CDKN2B-AS1: variants seen among roughly 807,000 people sequenced by gnomAD.
CDKN2B-AS1 encodes the protein CDKN2B antisense RNA 1 (non-protein coding).
chr9:22,012,469 C>A, intron 1 of CDKN2B-AS1: 1 of 700,540 alleles, frequency 1.4e-6, no homozygotes, highest in East Asian at 2.8e-5. Context: ...TCCTGCACCC[C>A]TATGCTGTCA....
chr9:22,054,682 A>T (rs560776871), intron 3 of CDKN2B-AS1, among the ~76,000 whole-genome samples: 5 of 149,398 alleles, frequency 3.3e-5, no homozygotes, highest in Admixed American at 3.3e-4. Flanking sequence ...TTTTATTTTT[A>T]TTTTTTTATT....
At chr9:22,059,344 G>A (rs1823709106) in intron 4 of CDKN2B-AS1, among the ~76,000 whole-genome samples, 1 of 152,162 alleles carries the variant, frequency 6.6e-6, no homozygotes, top group South Asian at 2.1e-4. Flanking sequence ...ATTGGCCGAA[G>A]CAAAAGGGTT....
chr9:22,037,097 G>T (rs982012697), intron 1 of CDKN2B-AS1, among the ~76,000 whole-genome samples: 7 of 152,016 alleles, frequency 4.6e-5, no homozygotes, highest in African/African-American at 7.2e-5. Context: ...TCATATTTGT[G>T]TTATTCAAGG....
rs1820850424 is a variant in CDKN2B-AS1, at chr9:21,999,913, G to T, written n.29+4752G>T. On this transcript the variant is annotated intron_variant and non_coding_transcript_variant, in intron 1 of 4. Coordinates refer to ENST00000650946, the Ensembl canonical transcript of CDKN2B-AS1. This position sits in a 1 kb window ranked among gnomAD's most constrained non-coding sequence, Gnocchi z 4.7. The stretch of plus-strand genomic sequence containing the variant: ...TGTTTTCCAAATATGCATGCTGGGG[G>T]AGAGATGTTTGCAATTATATGTACT... Among the ~76,000 whole-genome samples, 1 of 152,166 alleles carries T rather than the reference G, an allele frequency of 6.6e-6. No individual in the cohort carries two copies. The highest frequency in any genetic ancestry group is 2.4e-5 in the African/African-American group (1 of 41,438).
In CDKN2B-AS1 at chr9:22,057,520, T is replaced by C. The variant is rs996347978; in HGVS notation, n.438+1133T>C. ...AAAGATATAGTTGTAGAAAGTGATA[T>C]AGTATTGGCCAGGTGTGGTGGCTCA... On this transcript the variant is annotated intron_variant and non_coding_transcript_variant, in intron 4 of 4. Coordinates refer to ENST00000650946, the Ensembl canonical transcript of CDKN2B-AS1. Among the ~76,000 whole-genome samples the C allele has an allele frequency of 2.6e-5, 4 of 152,272 alleles. No individual in the cohort carries two copies. In the Middle Eastern group the frequency reaches 0.01, roughly 388 times the overall value.
intron 1 of CDKN2B-AS1, among the ~76,000 whole-genome samples, chr9:22,025,803 T>C (rs943344388): frequency 6.6e-6 from 1 of 152,156 alleles, no homozygotes; most frequent in African/African-American, 2.4e-5. Context: ...CCAGGAGGAA[T>C]AGGATCAGGG....
At chr9:22,017,218 A>G (rs1203095889) in intron 1 of CDKN2B-AS1, among the ~76,000 whole-genome samples, 1 of 152,216 alleles carries the variant, frequency 6.6e-6, no homozygotes, top group East Asian at 1.9e-4. Flanking sequence ...CAAGGTCAGG[A>G]GTTCGAGACC....
Position 21,997,050 on chromosome 9 carries a change from G to T in CDKN2B-AS1, n.29+1889G>T, listed in dbSNP as rs751485435. Among the ~76,000 whole-genome samples the T allele has an allele frequency of 5.9e-5, 9 of 152,100 alleles. No individual in the cohort carries two copies. In the South Asian group the frequency reaches 1.9e-3, roughly 32 times the overall value. On this transcript the variant is annotated intron_variant and non_coding_transcript_variant, in intron 1 of 4. Transcript: ENST00000650946. This position sits in a 1 kb window ranked among gnomAD's most constrained non-coding sequence, Gnocchi z 4.8. The stretch of plus-strand genomic sequence containing the variant: ...CGTCATGGGGTTGCTTAACAACAGG[G>T]ATACATTCTCAGACATGTATCTTTA...
At chr9:22,123,781 T>A (rs2131378513) in intron 4 of CDKN2B-AS1, among the ~76,000 whole-genome samples, 1 of 152,222 alleles carries the variant, frequency 6.6e-6, no homozygotes, top group African/African-American at 2.4e-5. Flanking sequence ...ATAGGACAAA[T>A]GGATGCAAAT....
chr9:22,115,795 T>G (rs1489795574), intron 4 of CDKN2B-AS1, among the ~76,000 whole-genome samples: 4 of 152,162 alleles, frequency 2.6e-5, no homozygotes, highest in African/African-American at 9.7e-5. Flanking sequence ...GGACATATTT[T>G]ATATGTAACA....
intron 4 of CDKN2B-AS1, among the ~76,000 whole-genome samples, chr9:22,126,265 A>G (rs1345061237): frequency 6.6e-6 from 1 of 152,208 alleles, no homozygotes; most frequent in Non-Finnish European, 1.5e-5. Context: ...GTCCATATTC[A>G]TGATGAATAT....
intron 4 of CDKN2B-AS1, among the ~76,000 whole-genome samples, chr9:22,097,995 C>T (rs984770794): frequency 6.6e-6 from 1 of 152,124 alleles, no homozygotes; most frequent in Non-Finnish European, 1.5e-5. Flanking sequence ...TGATGTGAAG[C>T]AATAAATAAA....
chr9:22,105,750 C>G (rs1419997808), intron 4 of CDKN2B-AS1, among the ~76,000 whole-genome samples: 1 of 151,962 alleles, frequency 6.6e-6, no homozygotes, highest in East Asian at 1.9e-4. Flanking sequence ...GCATGTGGGC[C>G]CAGAAATACT....
chr9:22,008,720 G>A (rs1483479955), intron 1 of CDKN2B-AS1: 3 of 1,611,538 alleles, frequency 1.9e-6, no homozygotes, highest in Non-Finnish European at 2.5e-6. Context: ...CGGCGATCTA[G>A]GTTCCAGCCC....
chr9:22,077,634 A>G (rs1378237089), intron 4 of CDKN2B-AS1: 3 of 152,202 alleles, frequency 2.0e-5, no homozygotes, highest in Non-Finnish European at 4.4e-5. Flanking sequence ...AAGAAAAAAA[A>G]TCAAAATAAT....
rs377334040 is a variant in CDKN2B-AS1, at chr9:22,094,463, A to T, written n.439-32640A>T. ...GTCACTTTCAGGTACTCCAATCAGAAGTAGATTTGGTCTTTTCACATAGTC... is the reference window on the plus strand; with the variant it reads ...GTCACTTTCAGGTACTCCAATCAGATGTAGATTTGGTCTTTTCACATAGTC... On this transcript the variant is annotated intron_variant and non_coding_transcript_variant, in intron 4 of 4. Transcript: ENST00000650946. Among the ~76,000 whole-genome samples, 58 of 144,604 alleles carry T rather than the reference A, an allele frequency of 4.0e-4. 14 individuals are homozygous for T. The highest frequency in any genetic ancestry group is 1.6e-3 in the African/African-American group (57 of 34,776). 94.9% of individuals were successfully genotyped at this position (144,604 alleles called of 152,430 possible). A position where few individuals can be genotyped will look rare whatever the true frequency, so the allele number is the denominator to read the frequency against.
rs768154528 is a variant in CDKN2B-AS1, at chr9:22,006,210, A to T, written n.29+11049A>T. ...GTTGGGCTCCGCGCCGTGGAGCAGC[A>T]GCAGCTCCGCCACGCGGGCGCTGCC... On this transcript the variant is annotated intron_variant and non_coding_transcript_variant, in intron 1 of 4. Transcript: ENST00000650946. This position sits in a 1 kb window ranked among gnomAD's most constrained non-coding sequence, Gnocchi z 6.4. The T allele has an allele frequency of 6.2e-7, 1 of 1,608,348 alleles. No individual in the cohort carries two copies. Among genetic ancestry groups the T allele is most frequent in the African/African-American group, 1.3e-5 (1 of 75,070 alleles).
intron 1 of CDKN2B-AS1, among the ~76,000 whole-genome samples, chr9:22,036,030 TTCCCTCCTCTATTTTCTTGAGCCCC>T (rs753266930): frequency 2.0e-5 from 3 of 152,122 alleles, no homozygotes; most frequent in Non-Finnish European, 4.4e-5. Flanking sequence ...TGATCAGTCC[TTCCCTCCTCTATTTTCTTGAGCCCC>T]GTTTTTCACC....
chr9:22,008,902 G>A (rs779465219), intron 1 of CDKN2B-AS1: 2 of 1,612,878 alleles, frequency 1.2e-6, no homozygotes, highest in Non-Finnish European at 1.7e-6. Flanking sequence ...GCGCTGGCCA[G>A]ACCCTCATCG....
Sources: allele counts gnomAD v4.1 joint callset (sites outside exome capture counted in the v4.1 genomes callset), GRCh38; gene constraint gnomAD v4.1.1; non-coding constraint Gnocchi (gnomAD v3.1); transcripts MANE v1.5; gene names NCBI Gene and HGNC (gene_info 2026-07-23, HGNC 2026-07-21).